ADCY2: variants seen among roughly 807,000 people sequenced by gnomAD.
The protein encoded by ADCY2 is adenylate cyclase type 2.
ADCY2 carries 31 observed loss-of-function variants against 125.2 expected under a neutral mutation model. The ratio of observed to expected loss-of-function variants is 0.25; its 90% CI spans 0.19 to 0.33. ADCY2 has a LOEUF of 0.33. Among genes scored for constraint, ADCY2 ranks in the 10% least tolerant of loss-of-function variants. The pLI is 1.00. For synonymous variants in ADCY2, 512 were observed against 548.4 expected, an observed-to-expected ratio of 0.93 and a Z score of 0.93; for missense variants, 904 against 1,418.2, an observed-to-expected ratio of 0.64 and a Z score of 5.82.
At chr5:7,614,341 T>C (rs1007528692) in intron 3 of ADCY2, among the ~76,000 whole-genome samples, 5 of 152,178 alleles carry the variant, frequency 3.3e-5, no homozygotes, top group Non-Finnish European at 7.3e-5. Context: ...ACATCTGCCC[T>C]GTCCTTCCTT....
intron 2 of ADCY2, among the ~76,000 whole-genome samples, chr5:7,419,927 C>T (rs1740127465): frequency 6.6e-6 from 1 of 152,194 alleles, no homozygotes; most frequent in Non-Finnish European, 1.5e-5. Context: ...CATCCTACCC[C>T]AGCTTTCCAA....
At chr5:7,440,407 A>AT (rs1292007953) in intron 2 of ADCY2, among the ~76,000 whole-genome samples, 1 of 152,074 alleles carries the variant, frequency 6.6e-6, no homozygotes, top group Admixed American at 6.5e-5. Context: ...CCTTTCAAGT[A>AT]TTTTTTCCCT....
intron 3 of ADCY2, among the ~76,000 whole-genome samples, chr5:7,612,412 G>A (rs147006655): frequency 5.3e-5 from 8 of 152,306 alleles, no homozygotes; most frequent in East Asian, 3.9e-4. Context: ...AAATTGAGGC[G>A]GGGCCTAGCA....
Position 7,751,988 on chromosome 5 carries a change from T to C in ADCY2, c.1957-5461T>C, listed in dbSNP as rs563928317. 1.2e-4 allele frequency among the ~76,000 whole-genome samples: 19 copies of C among 152,308 alleles called. 1 individual carries two copies. The East Asian group carries it at 3.3e-3, about 26-fold the overall frequency. On this transcript the variant is annotated intron_variant, in intron 15 of 24. Coordinates refer to ENST00000338316, the MANE Select transcript of ADCY2 (RefSeq NM_020546.3). Reference sequence around the variant, plus strand: ...CCATTTAACAAACACTATACTGGCCTCTGGGAAAACAGAGACAAGTGCGAT... The same window carrying C: ...CCATTTAACAAACACTATACTGGCCCCTGGGAAAACAGAGACAAGTGCGAT...
intron 3 of ADCY2, among the ~76,000 whole-genome samples, chr5:7,544,138 G>A (rs532624130): frequency 6.7e-6 from 1 of 150,358 alleles, no homozygotes; most frequent in Non-Finnish European, 1.5e-5. Flanking sequence ...CCATGACAAA[G>A]AGCCCACCCA....
chr5:7,513,199 G>T (rs1744136687), intron 2 of ADCY2, among the ~76,000 whole-genome samples: 1 of 151,930 alleles, frequency 6.6e-6, no homozygotes, highest in Non-Finnish European at 1.5e-5. Context: ...GAGAAATAGG[G>T]TAATCATAAA....
intron 2 of ADCY2, among the ~76,000 whole-genome samples, chr5:7,431,435 T>G (rs566771363): frequency 6.6e-6 from 1 of 152,102 alleles, no homozygotes; most frequent in Non-Finnish European, 1.5e-5. Flanking sequence ...TTGAAAATTA[T>G]TAAACATCTG....
At chr5:7,596,824 TCAAG>T (rs1737022331) in intron 3 of ADCY2, among the ~76,000 whole-genome samples, 1 of 152,226 alleles carries the variant, frequency 6.6e-6, no homozygotes. Flanking sequence ...CAATGTAATC[TCAAG>T]GTTGGGGCCT....
At chr5:7,631,292 A>C (rs1027363019) in intron 4 of ADCY2, among the ~76,000 whole-genome samples, 2 of 152,230 alleles carry the variant, frequency 1.3e-5, no homozygotes, top group African/African-American at 4.8e-5. Flanking sequence ...CCAGATTCCA[A>C]GGATTAAGAT....
At chr5:7,687,842 G>T (rs1740566692) in intron 4 of ADCY2, among the ~76,000 whole-genome samples, 1 of 152,158 alleles carries the variant, frequency 6.6e-6, no homozygotes, top group Non-Finnish European at 1.5e-5. Flanking sequence ...AAATTCAATG[G>T]AAGATGGTAT....
At chr5:7,486,211 A>C (rs1254857309) in intron 2 of ADCY2, among the ~76,000 whole-genome samples, 2 of 152,156 alleles carry the variant, frequency 1.3e-5, no homozygotes, top group East Asian at 3.9e-4. Flanking sequence ...AATTTTAAAG[A>C]GTTTCATGAA....
intron 2 of ADCY2, among the ~76,000 whole-genome samples, chr5:7,419,913 G>A (rs1399458144): frequency 6.6e-6 from 1 of 152,150 alleles, no homozygotes; most frequent in Non-Finnish European, 1.5e-5. Context: ...TATGAGCGGG[G>A]CACCATCCTA....
intron 4 of ADCY2, among the ~76,000 whole-genome samples, chr5:7,660,782 CAT>C (rs954186346): frequency 9.6e-5 from 2 of 20,858 alleles, no homozygotes; most frequent in African/African-American, 2.3e-4. Context: ...ATGTTAATCA[CAT>C]GTTAAAAAAA....
intron 2 of ADCY2, among the ~76,000 whole-genome samples, chr5:7,449,237 C>G (rs993296212): frequency 6.6e-6 from 1 of 152,162 alleles, no homozygotes; most frequent in African/African-American, 2.4e-5. Context: ...GCTATCTTCT[C>G]AAGTTCAGAA....
intron 6 of ADCY2, 32 bp downstream of exon 6, chr5:7,695,895 G>A (rs1220632134): frequency 6.7e-7 from 1 of 1,491,988 alleles, no homozygotes; most frequent in East Asian, 2.3e-5. Flanking sequence ...CTTCTCTGAA[G>A]ATTTCTAAAC....
chr5:7,775,989 GC>G (rs1560980151), intron 18 of ADCY2, among the ~76,000 whole-genome samples: 1 of 152,062 alleles, frequency 6.6e-6, no homozygotes, highest in Non-Finnish European at 1.5e-5. Flanking sequence ...GAATTTAGAA[GC>G]CCCCCGATTT....
intron 4 of ADCY2, among the ~76,000 whole-genome samples, chr5:7,682,960 G>A (rs187239585): frequency 1.3e-5 from 2 of 152,270 alleles, no homozygotes; most frequent in Admixed American, 1.3e-4. Flanking sequence ...TTTTATTTTG[G>A]AGGAAGAAAT....
At chr5:7,678,176 C>T (rs1579306847) in intron 4 of ADCY2, among the ~76,000 whole-genome samples, 1 of 152,162 alleles carries the variant, frequency 6.6e-6, no homozygotes, top group African/African-American at 2.4e-5. Flanking sequence ...TGGCAGAAAA[C>T]TTGCCTTCTT....
intron 7 of ADCY2, 147 bp downstream of exon 7, chr5:7,698,521 C>T (rs1579328393): frequency 1.2e-6 from 1 of 812,660 alleles, no homozygotes; most frequent in East Asian, 2.6e-5. Context: ...GGTATTTCTA[C>T]TAATGCTATC....
Sources: allele counts gnomAD v4.1 joint callset (sites outside exome capture counted in the v4.1 genomes callset), GRCh38; gene constraint gnomAD v4.1.1; transcripts MANE v1.5; gene names NCBI Gene and HGNC (gene_info 2026-07-23, HGNC 2026-07-21).